SIPA1L1: variants seen among roughly 807,000 people sequenced by gnomAD.
The protein encoded by SIPA1L1 is signal-induced proliferation-associated 1-like protein 1.
SIPA1L1 carries 26 observed loss-of-function variants against 162.7 expected under a neutral mutation model. The ratio of observed to expected loss-of-function variants is 0.16; its 90% CI spans 0.12 to 0.22. The LOEUF is 0.22. Ranked by LOEUF, SIPA1L1 falls within the 10% of genes least tolerant of loss-of-function variation. SIPA1L1 has a pLI of 1.00. For synonymous variants in SIPA1L1, 829 were observed against 837.4 expected, an observed-to-expected ratio of 0.99 and a Z score of 0.17; for missense variants, 1,874 against 2,241.0, an observed-to-expected ratio of 0.84 and a Z score of 3.31.
At chr14:71,375,681 C>G (rs544422440) in intron 2 of SIPA1L1, among the ~76,000 whole-genome samples, 48 of 152,036 alleles carry the variant, frequency 3.2e-4, no homozygotes, top group African/African-American at 2.4e-5. Flanking sequence ...AGTCTTTTGC[C>G]TTTAAGTATT....
At chr14:71,415,817 C>T (rs2042720272) in intron 2 of SIPA1L1, among the ~76,000 whole-genome samples, 1 of 152,136 alleles carries the variant, frequency 6.6e-6, no homozygotes, top group South Asian at 2.1e-4. Flanking sequence ...CCCGCCTCAG[C>T]CTCCCAAGTA....
intron 5 of SIPA1L1, among the ~76,000 whole-genome samples, chr14:71,613,942 C>T (rs2038517844): frequency 6.6e-6 from 1 of 152,064 alleles, no homozygotes; most frequent in African/African-American, 2.4e-5. Context: ...TGGCTCATGT[C>T]TGTTATCCTA....
At chr14:71,662,899 G>A (rs995978779) in intron 10 of SIPA1L1, among the ~76,000 whole-genome samples, 3 of 152,190 alleles carry the variant, frequency 2.0e-5, no homozygotes, top group Non-Finnish European at 4.4e-5. Context: ...ACTCTGAGCA[G>A]TTAAAACATG....
At chr14:71,603,789 C>G (rs143164559) in intron 5 of SIPA1L1, among the ~76,000 whole-genome samples, 1 of 151,410 alleles carries the variant, frequency 6.6e-6, no homozygotes, top group South Asian at 2.1e-4. Flanking sequence ...CAGGCACGTG[C>G]GTGTAATCCC....
chr14:71,332,768 A>G (rs901809739), intron 2 of SIPA1L1, among the ~76,000 whole-genome samples: 2 of 152,158 alleles, frequency 1.3e-5, no homozygotes, highest in Non-Finnish European at 2.9e-5. Context: ...CATTCACTTA[A>G]TAAGTCTTCA....
In SIPA1L1 at chr14:71,605,118, A is replaced by T. The variant is rs548779812; in HGVS notation, c.1499-13639A>T. 2.7e-4 allele frequency among the ~76,000 whole-genome samples: 41 copies of T among 152,132 alleles called. No homozygotes were observed. In the East Asian group the frequency reaches 7.5e-3, roughly 28 times the overall value. On this transcript the variant is annotated intron_variant, in intron 5 of 23. Transcript: ENST00000381232. ...TTGACTGACTATGTTATTTCAAAAG[A>T]TCTGTCGTCAAGTACTGAGGTTCTT...
At chr14:71,702,007 A>G (rs934738867) in intron 14 of SIPA1L1, among the ~76,000 whole-genome samples, 12 of 152,252 alleles carry the variant, frequency 7.9e-5, no homozygotes, top group Non-Finnish European at 1.5e-4. Flanking sequence ...TATATGGAAT[A>G]TTAATATTTA....
intron 2 of SIPA1L1, among the ~76,000 whole-genome samples, chr14:71,502,720 T>C (rs2143746917): frequency 6.6e-6 from 1 of 152,258 alleles, no homozygotes; most frequent in East Asian, 1.9e-4. Flanking sequence ...CCTACATTAG[T>C]GCAAATGTAG....
intron 4 of SIPA1L1, among the ~76,000 whole-genome samples, chr14:71,580,250 G>T (rs750039533): frequency 3.3e-5 from 5 of 152,202 alleles, no homozygotes; most frequent in African/African-American, 4.8e-5. Flanking sequence ...CAGGGTGTTG[G>T]TGTGAGTCCA....
At chr14:71,626,454 G>A (rs1410757944) in intron 7 of SIPA1L1, among the ~76,000 whole-genome samples, 1 of 152,148 alleles carries the variant, frequency 6.6e-6, no homozygotes, top group African/African-American at 2.4e-5. Context: ...CAGACGACAT[G>A]CATACTTAGG....
At chr14:71,597,118 C>T (rs1448392924) in intron 5 of SIPA1L1, among the ~76,000 whole-genome samples, 2 of 151,784 alleles carry the variant, frequency 1.3e-5, no homozygotes, top group Non-Finnish European at 2.9e-5. Flanking sequence ...CACAAGCGTG[C>T]ATCATCACGC....
intron 2 of SIPA1L1, among the ~76,000 whole-genome samples, chr14:71,388,185 C>G (rs960517348): frequency 2.6e-5 from 4 of 152,144 alleles, no homozygotes; most frequent in African/African-American, 7.2e-5. Flanking sequence ...CTGCAAAATA[C>G]TTTGTTCATT....
chr14:71,571,405 G>A (rs1567223468), intron 4 of SIPA1L1, among the ~76,000 whole-genome samples: 1 of 152,016 alleles, frequency 6.6e-6, no homozygotes, highest in Non-Finnish European at 1.5e-5. Flanking sequence ...GGTCCACTGA[G>A]TGTCCAGTAC....
At chr14:71,496,315 T>C (rs2143049396) in intron 2 of SIPA1L1, among the ~76,000 whole-genome samples, 1 of 152,206 alleles carries the variant, frequency 6.6e-6, no homozygotes, top group Non-Finnish European at 1.5e-5. Flanking sequence ...AAAATAAAAA[T>C]TGTATTAATG....
intron 16 of SIPA1L1, among the ~76,000 whole-genome samples, chr14:71,708,827 T>C (rs2082665690): frequency 9.2e-5 from 14 of 152,218 alleles, no homozygotes; most frequent in Admixed American, 9.2e-4. Flanking sequence ...GCCTTCTATT[T>C]ACTCTGAACA....
intron 5 of SIPA1L1, among the ~76,000 whole-genome samples, chr14:71,604,288 C>T (rs1339375254): frequency 6.6e-6 from 1 of 152,070 alleles, no homozygotes; most frequent in East Asian, 1.9e-4. Flanking sequence ...TGAGCAACTG[C>T]ACCTGGCCTT....
intron 12 of SIPA1L1, among the ~76,000 whole-genome samples, chr14:71,680,726 G>A (rs4319698): frequency 0.84 from 127,475 of 152,236 alleles, 53,974 homozygotes; most frequent in African/African-American, 0.95. Flanking sequence ...AATAGATGCA[G>A]TAAAAAATGA....
At chr14:71,476,007 CAG>C (rs1190492492) in intron 2 of SIPA1L1, among the ~76,000 whole-genome samples, 2 of 152,204 alleles carry the variant, frequency 1.3e-5, no homozygotes, top group Non-Finnish European at 2.9e-5. Context: ...TCATTTCTAG[CAG>C]GAGGTTTACA....
At chr14:71,568,460 A>G (rs1323378510) in intron 4 of SIPA1L1, among the ~76,000 whole-genome samples, 2 of 152,190 alleles carry the variant, frequency 1.3e-5, no homozygotes, top group African/African-American at 4.8e-5. Flanking sequence ...GGTGGTATCC[A>G]GAGTTGACCA....
Sources: gnomAD v4.1 joint callset for allele counts (sites outside exome capture counted in the v4.1 genomes callset) on GRCh38, gnomAD v4.1.1 for gene constraint, MANE v1.5 for transcripts, NCBI Gene and HGNC (gene_info 2026-07-23, HGNC 2026-07-21) for gene names.